NXPE4: variants seen among roughly 807,000 people sequenced by gnomAD.
The protein encoded by NXPE4 is neurexophilin and PC-esterase domain family member 4, also known as NXPE family member 4.
In NXPE4, 42 loss-of-function variants were observed where a neutral mutation model predicts 33.3. The observed-to-expected ratio is 1.26, with a 90% CI of 0.98 to 1.63. The LOEUF is 1.63. Ranked by LOEUF, NXPE4 falls within the 40% of genes most tolerant of loss-of-function variation. The pLI is 0.00. For synonymous variants in NXPE4, 253 were observed against 234.9 expected (o/e 1.08, Z -0.71); for missense variants, 709 against 647.6 (o/e 1.09, Z -1.03).
chr11:114,638,678 T>C, the NXPE4 span, among the ~76,000 whole-genome samples: 71 of 152,130 alleles, frequency 4.7e-4, no homozygotes, highest in Middle Eastern at 3.2e-3. Flanking sequence ...GTTTTCTTTC[T>C]AACAGACAGG....
chr11:114,655,275 G>A, the NXPE4 span, among the ~76,000 whole-genome samples: 3 of 152,136 alleles, frequency 2.0e-5, no homozygotes, highest in Admixed American at 6.5e-5. Flanking sequence ...TCTGTAGGTT[G>A]CTTGTTCACT....
the NXPE4 span, among the ~76,000 whole-genome samples, chr11:114,654,421 C>T: frequency 6.6e-6 from 1 of 152,098 alleles, no homozygotes; most frequent in South Asian, 2.1e-4. Flanking sequence ...TATATGTGTG[C>T]CATGGTGGTT....
upstream of NXPE4, among the ~76,000 whole-genome samples, chr11:114,600,324 A>G (rs1173464711): frequency 1.3e-5 from 2 of 152,122 alleles, no homozygotes; most frequent in Non-Finnish European, 2.9e-5. Context: ...TTTAAAAGTC[A>G]AAACAATTAA....
At chr11:114,585,582 CAAAT>C (rs1043047675) in intron 2 of NXPE4, among the ~76,000 whole-genome samples, 9 of 151,786 alleles carry the variant, frequency 5.9e-5, no homozygotes, top group Non-Finnish European at 1.3e-4. Context: ...GAGAAAATGA[CAAAT>C]ATATGTACGT....
chr11:114,651,551 G>A, the NXPE4 span, among the ~76,000 whole-genome samples: 1 of 152,218 alleles, frequency 6.6e-6, no homozygotes, highest in Non-Finnish European at 1.5e-5. Flanking sequence ...TGCCACTGCT[G>A]GCTTTGCTGG....
At chr11:114,578,963 A>T (rs969344780) in intron 5 of NXPE4, among the ~76,000 whole-genome samples, 1 of 152,182 alleles carries the variant, frequency 6.6e-6, no homozygotes, top group Non-Finnish European at 1.5e-5. Flanking sequence ...ACTTCATTTA[A>T]TCTTCTATAC....
At chr11:114,657,336 G>A in the NXPE4 span, among the ~76,000 whole-genome samples, 2 of 152,072 alleles carry the variant, frequency 1.3e-5, no homozygotes, top group Non-Finnish European at 2.9e-5. Context: ...GAACTTAGGT[G>A]GGAAAAAGAT....
At chr11:114,602,496 C>T in the NXPE4 span, among the ~76,000 whole-genome samples, 1 of 134,574 alleles carries the variant, frequency 7.4e-6, no homozygotes, top group African/African-American at 2.7e-5. Flanking sequence ...CATATATTAT[C>T]CCATATGTAA....
chr11:114,648,905 A>G, the NXPE4 span, among the ~76,000 whole-genome samples: 4 of 152,190 alleles, frequency 2.6e-5, no homozygotes, highest in African/African-American at 9.7e-5. Flanking sequence ...TATGATACGA[A>G]GTCAATACAT....
At chr11:114,653,498 C>A in the NXPE4 span, among the ~76,000 whole-genome samples, 5 of 150,232 alleles carry the variant, frequency 3.3e-5, no homozygotes, top group Non-Finnish European at 5.9e-5. Context: ...ATTTCATTAC[C>A]TTTTCTTGTT....
At chr11:114,579,800 A>T (rs1949093605) in intron 5 of NXPE4, among the ~76,000 whole-genome samples, 1 of 152,156 alleles carries the variant, frequency 6.6e-6, no homozygotes, top group South Asian at 2.1e-4. Context: ...TCATACCCTT[A>T]ATCATTTTGC....
the NXPE4 span, among the ~76,000 whole-genome samples, chr11:114,623,647 G>A: frequency 1.3e-5 from 2 of 151,966 alleles, no homozygotes; most frequent in South Asian, 4.2e-4. Flanking sequence ...GTGTTGCCTT[G>A]TGTGTAACCA....
chr11:114,638,146 G>A, the NXPE4 span, among the ~76,000 whole-genome samples: 29 of 151,732 alleles, frequency 1.9e-4, no homozygotes, highest in African/African-American at 6.0e-4. Context: ...CATATTTCTC[G>A]GAGGCTTTGT....
chr11:114,630,087 C>A, the NXPE4 span, among the ~76,000 whole-genome samples: 3 of 151,642 alleles, frequency 2.0e-5, no homozygotes, highest in Non-Finnish European at 2.9e-5. Context: ...GTGAAAATGG[C>A]CATACTGCCC....
At chr11:114,621,961 T>A in the NXPE4 span, among the ~76,000 whole-genome samples, 2 of 152,190 alleles carry the variant, frequency 1.3e-5, no homozygotes, top group Non-Finnish European at 2.9e-5. Context: ...CTGTGGATAA[T>A]AAGTATGGCC....
At chr11:114,632,888 TATA>T in the NXPE4 span, among the ~76,000 whole-genome samples, 311 of 83,790 alleles carry the variant, frequency 3.7e-3, 5 homozygotes, top group African/African-American at 0.015. Context: ...TTATATATTA[TATA>T]ATTTTATGTA....
the NXPE4 span, among the ~76,000 whole-genome samples, chr11:114,661,620 T>A: frequency 1.3e-5 from 2 of 152,332 alleles, no homozygotes; most frequent in Middle Eastern, 3.4e-3. Context: ...GGACAAAACC[T>A]TGATTGTTAC....
At chr11:114,663,027 T>C in the NXPE4 span, among the ~76,000 whole-genome samples, 1 of 152,172 alleles carries the variant, frequency 6.6e-6, no homozygotes, top group African/African-American at 2.4e-5. Context: ...TTGTCTCTTA[T>C]ACGGCATTTC....
chr11:114,670,041 GC>G, the NXPE4 span, among the ~76,000 whole-genome samples: 35 of 152,146 alleles, frequency 2.3e-4, no homozygotes, highest in African/African-American at 7.9e-4. Context: ...CAAAGACATA[GC>G]TAGGTAGAGC....
Sources: gnomAD v4.1 joint callset for allele counts (sites outside exome capture counted in the v4.1 genomes callset) on GRCh38, gnomAD v4.1.1 for gene constraint, MANE v1.5 for transcripts, NCBI Gene and HGNC (gene_info 2026-07-23, HGNC 2026-07-21) for gene names.